Variants in PADI2 observed in about 807,000 individuals in gnomAD.
The protein encoded by PADI2 is protein-arginine deiminase type-2.
PADI2 carries 70 observed loss-of-function variants against 81.1 expected under a neutral mutation model. The observed-to-expected ratio is 0.86, with a 90% CI of 0.71 to 1.05. PADI2 has a LOEUF of 1.05. PADI2 is among the 50% of genes least tolerant of loss of function. The pLI, the probability that PADI2 is intolerant of heterozygous loss-of-function variation, is 0.00. For synonymous variants in PADI2, 338 were observed against 358.0 expected (o/e 0.94, Z 0.63); for missense variants, 853 against 889.9 (o/e 0.96, Z 0.53).
chr1:17,119,386 T>C lies in PADI2; in HGVS notation c.-15A>G, dbSNP rs1931868397. ...TCGCGCAGCATCCTCCCCGCCGCAG[T>C]GCCCGCGCTCGCTGGTCCGGGGCGG... On this transcript the variant is annotated 5_prime_UTR_variant, in exon 1 of 16. Transcript: ENST00000375486. The surrounding 1 kb of genome is among the most constrained non-coding windows in gnomAD (Gnocchi z 4.8). 1.4e-5 allele frequency: 21 copies of C among 1,521,920 alleles called. No homozygotes were observed. The highest frequency in any genetic ancestry group is 1.8e-5 in the Non-Finnish European group (20 of 1,134,426). 94.3% of individuals were successfully genotyped at this position (1,521,920 alleles called of 1,614,324 possible).
intron 1 of PADI2, among the ~76,000 whole-genome samples, chr1:17,111,810 G>A (rs1216747820): frequency 6.6e-6 from 1 of 152,188 alleles, no homozygotes; most frequent in Non-Finnish European, 1.5e-5. Context: ...GGAAGGAGAG[G>A]AAGAGGAGCA....
At chr1:17,099,840 A>G (rs1367246037) in intron 3 of PADI2, among the ~76,000 whole-genome samples, 1 of 152,198 alleles carries the variant, frequency 6.6e-6, no homozygotes, top group Non-Finnish European at 1.5e-5. Context: ...CATTTTATAG[A>G]TGAGGAAGCC....
At position 17,119,242 on chromosome 1, in the gene PADI2, C is replaced by G. The variant is rs1249621820; in HGVS notation, c.92+38G>C. Reference sequence around the variant, plus strand: ...GAGCGCGTCTCAGGATTTCTGGGCTCGAGATCTCGGCCCGGGCATCACGGT... The same window carrying G: ...GAGCGCGTCTCAGGATTTCTGGGCTGGAGATCTCGGCCCGGGCATCACGGT... On this transcript the variant is annotated intron_variant, in intron 1 of 15. Transcript: ENST00000375486. The surrounding 1 kb of genome is among the most constrained non-coding windows in gnomAD (Gnocchi z 4.8). 7.1e-7 allele frequency: 1 copy of G among 1,399,872 alleles called. No individual in the cohort carries two copies. The highest frequency in any genetic ancestry group is 2.9e-5 in the East Asian group (1 of 34,048). The allele number at this position is 1,399,872 out of a possible 1,614,324, so 86.7% of individuals were successfully genotyped here.
chr1:17,100,454 T>C (rs1931103237), intron 3 of PADI2, among the ~76,000 whole-genome samples: 1 of 150,638 alleles, frequency 6.6e-6, no homozygotes, highest in Admixed American at 6.6e-5. Context: ...CCGGCTAGTT[T>C]TTATATTTTT....
chr1:17,104,431 CT>C (rs1217484961), intron 2 of PADI2, among the ~76,000 whole-genome samples: 56 of 79,810 alleles, frequency 7.0e-4, no homozygotes, highest in African/African-American at 2.2e-3. Flanking sequence ...TTTGCCTTTT[CT>C]TTTTTTTTTT....
chr1:17,079,234 A>G (rs199990468), intron 11 of PADI2, 30 bp downstream of exon 11: 75 of 1,598,766 alleles, frequency 4.7e-5, no homozygotes, highest in Non-Finnish European at 5.6e-5. Context: ...CCACTCCCAC[A>G]GCCCCTAGCC....
chr1:17,118,228 C>A (rs1365902738), intron 1 of PADI2, among the ~76,000 whole-genome samples: 1 of 152,082 alleles, frequency 6.6e-6, no homozygotes, highest in Non-Finnish European at 1.5e-5. Context: ...CGTGTGAGTT[C>A]AGCTTGAGGC....
chr1:17,103,513 C>CATGG (rs1359480054), intron 2 of PADI2, among the ~76,000 whole-genome samples: 4 of 152,166 alleles, frequency 2.6e-5, no homozygotes, highest in Non-Finnish European at 5.9e-5. Flanking sequence ...GCAAATCACC[C>CATGG]ATGGATGTTC....
At chr1:17,077,068 G>T (rs2647199) in intron 11 of PADI2, among the ~76,000 whole-genome samples, 57,283 of 151,818 alleles carry the variant, frequency 0.38, 11,313 homozygotes, top group East Asian at 0.6. Flanking sequence ...ATCCCTTGGG[G>T]CTTTTCCCTT....
rs576443781 is a variant in PADI2 at position 17,115,726 on chromosome 1, G to A, written c.92+3554C>T. Among the ~76,000 whole-genome samples the A allele has an allele frequency of 1.5e-4, 23 of 152,206 alleles. No homozygotes were observed. The highest frequency in any genetic ancestry group is 5.5e-4 in the African/African-American group (23 of 41,512). On this transcript the variant is annotated intron_variant, in intron 1 of 15. Transcript: ENST00000375486. This position sits in a 1 kb window ranked among gnomAD's most constrained non-coding sequence, Gnocchi z 4.1. ...CAGCCCCACTGAAGAAGTGACTGTC[G>A]GCTAAAGGGACCACCGGAGGAGATT...
intron 13 of PADI2, among the ~76,000 whole-genome samples, chr1:17,072,020 G>A (rs1375490311): frequency 1.3e-5 from 2 of 152,192 alleles, no homozygotes; most frequent in African/African-American, 4.8e-5. Context: ...TGTGGCCGAC[G>A]CTCTTCTAAA....
At chr1:17,116,970 C>T (rs530302942) in intron 1 of PADI2, among the ~76,000 whole-genome samples, 1 of 152,324 alleles carries the variant, frequency 6.6e-6, no homozygotes, top group East Asian at 1.9e-4. Flanking sequence ...TGATTTTGCC[C>T]CCTGCCAGGG....
chr1:17,084,985 C>T (rs552022482), intron 7 of PADI2, among the ~76,000 whole-genome samples: 5 of 152,346 alleles, frequency 3.3e-5, no homozygotes, highest in South Asian at 4.1e-4. Flanking sequence ...TAGAGCCACC[C>T]GTGTGCTTGA....
At chr1:17,105,435 G>T (rs767030460) in intron 1 of PADI2, among the ~76,000 whole-genome samples, 13 of 151,732 alleles carry the variant, frequency 8.6e-5, no homozygotes, top group Non-Finnish European at 1.2e-4. Flanking sequence ...CACTCTTGTT[G>T]CCCAGGCTGG....
intron 1 of PADI2, among the ~76,000 whole-genome samples, chr1:17,107,589 C>T (rs1931428394): frequency 6.6e-6 from 1 of 152,236 alleles, no homozygotes. Flanking sequence ...CTGCCGGTCC[C>T]AGTACCACAC....
intron 10 of PADI2, 109 bp downstream of exon 10, chr1:17,082,436 T>C: frequency 1.4e-6 from 1 of 733,582 alleles, no homozygotes; most frequent in Non-Finnish European, 2.5e-6. Context: ...AAACAGAGGC[T>C]CTGGGCAGCA....
At position 17,086,602 on chromosome 1, in the gene PADI2, G is replaced by C; in HGVS notation, c.753C>G (p.Phe251Leu). The C allele has an allele frequency of 1.9e-6, 3 of 1,614,134 alleles. No homozygotes were observed. Among genetic ancestry groups the C allele is most frequent in the Non-Finnish European group, 2.5e-6 (3 of 1,179,988 alleles). Residue 251 changes from phenylalanine (F) to leucine (L), a missense_variant, in exon 7 of 16, where the codon TTC (phenylalanine) becomes TTG (leucine). Physicochemically the swap from Phe to Leu is conservative, Grantham distance 22 (BLOSUM62 0). Coordinates refer to ENST00000375486, the MANE Select transcript of PADI2 (RefSeq NM_007365.3). ...CGTCGGGGAAACAGAGGCCTTCCAC[G>C]AAGAACAGCAGCTCCGCGGAGCCAC... is the stretch of plus-strand genomic sequence containing the variant. ...YTGGSAELLFFVEGLCFPDEG... is the reference protein window; with the variant it reads ...YTGGSAELLFLVEGLCFPDEG...
chr1:17,084,946 C>A (rs1306792422), intron 7 of PADI2, among the ~76,000 whole-genome samples: 1 of 152,230 alleles, frequency 6.6e-6, no homozygotes, highest in African/African-American at 2.4e-5. Context: ...GGGCTGTTAA[C>A]CGCCCAAGGT....
In PADI2 at chr1:17,102,715, T is replaced by C. The variant is rs184888020; in HGVS notation, c.349+272A>G. On this transcript the variant is annotated intron_variant, in intron 3 of 15. Coordinates refer to ENST00000375486, the MANE Select transcript of PADI2 (RefSeq NM_007365.3). ...AAACACACTTCACCTTTTTCTCTTT[T>C]AGGGCCACAGAGCCTGGGAAGGGGA... 2.1e-5 allele frequency among the ~76,000 whole-genome samples: 3 copies of C among 140,164 alleles called. No individual in the cohort carries two copies. The Admixed American group carries it at 2.2e-4, about 10-fold the overall frequency. 92.0% of individuals were successfully genotyped at this position (140,164 alleles called of 152,430 possible).
Sources: gnomAD v4.1 joint callset for allele counts (sites outside exome capture counted in the v4.1 genomes callset) on GRCh38, gnomAD v4.1.1 for gene constraint, Gnocchi (gnomAD v3.1) non-coding constraint, MANE v1.5 for transcripts, NCBI Gene and HGNC (gene_info 2026-07-23, HGNC 2026-07-21) for gene names.